Variants in TRAPPC9 observed in about 807,000 individuals in gnomAD.
The protein encoded by TRAPPC9 is IKK2 binding protein.
Under a neutral mutation model 124.0 loss-of-function variants are expected in TRAPPC9, and 83 were observed. The observed-to-expected ratio is 0.67, with a 90% CI of 0.56 to 0.80. TRAPPC9 has a LOEUF of 0.80. Ranked by LOEUF, TRAPPC9 falls within the 30% of genes least tolerant of loss-of-function variation. The pLI, the probability that TRAPPC9 is intolerant of heterozygous loss-of-function variation, is 0.00. For missense variants in TRAPPC9, 1,302 were observed against 1,508.3 expected (o/e 0.86, Z 2.27); for synonymous variants, 638 against 617.5 (o/e 1.03, Z -0.49).
intron 11 of TRAPPC9, among the ~76,000 whole-genome samples, chr8:140,300,003 C>T (rs7845070): frequency 0.65 from 98,886 of 152,108 alleles, 32,645 homozygotes; most frequent in African/African-American, 0.78. Context: ...ACATCTCCAA[C>T]TGTCACTCTT....
intron 21 of TRAPPC9, among the ~76,000 whole-genome samples, chr8:139,736,541 C>T (rs1197622300): frequency 2.6e-5 from 4 of 152,306 alleles, no homozygotes; most frequent in African/African-American, 7.2e-5. Context: ...AGCAAACCTT[C>T]CTATGACGGG....
At chr8:139,781,661 T>C (rs558445380) in intron 21 of TRAPPC9, among the ~76,000 whole-genome samples, 1 of 152,340 alleles carries the variant, frequency 6.6e-6, no homozygotes, top group East Asian at 1.9e-4. Context: ...TCATTGATTA[T>C]AACAAATGTA....
At chr8:139,790,640 G>C (rs975055804) in intron 21 of TRAPPC9, among the ~76,000 whole-genome samples, 14 of 152,322 alleles carry the variant, frequency 9.2e-5, no homozygotes, top group East Asian at 5.8e-4. Flanking sequence ...AGTGGGTAGA[G>C]AGCATGGACG....
At chr8:139,791,138 G>A (rs1005582095) in intron 21 of TRAPPC9, among the ~76,000 whole-genome samples, 9 of 152,144 alleles carry the variant, frequency 5.9e-5, no homozygotes, top group African/African-American at 1.9e-4. Context: ...CCAGGGGAGT[G>A]CACAAGCCAC....
At chr8:139,851,924 C>T (rs1827494417) in intron 21 of TRAPPC9, among the ~76,000 whole-genome samples, 1 of 152,124 alleles carries the variant, frequency 6.6e-6, no homozygotes, top group South Asian at 2.1e-4. Flanking sequence ...CCCACAGATG[C>T]TCCTGGAGGG....
intron 21 of TRAPPC9, among the ~76,000 whole-genome samples, chr8:139,826,210 G>A (rs1206317442): frequency 6.6e-6 from 1 of 152,176 alleles, no homozygotes; most frequent in African/African-American, 2.4e-5. Flanking sequence ...CCAGACTCTG[G>A]GGGCCTGGAA....
intron 17 of TRAPPC9, among the ~76,000 whole-genome samples, chr8:140,031,221 GA>G (rs1055058336): frequency 1.2e-4 from 18 of 152,150 alleles, no homozygotes; most frequent in African/African-American, 4.1e-4. Context: ...GTGAGGTTAT[GA>G]TTCACCATAA....
intron 17 of TRAPPC9, among the ~76,000 whole-genome samples, chr8:140,212,451 C>T (rs181451680): frequency 1.1e-3 from 161 of 152,146 alleles, no homozygotes; most frequent in Non-Finnish European, 1.9e-3. Context: ...CCCAGTCCGT[C>T]AATATTTTAC....
chr8:140,116,855 A>AAGGAGGCGGAGTTCAGTG (rs1563773591), intron 17 of TRAPPC9, among the ~76,000 whole-genome samples: 3 of 140,184 alleles, frequency 2.1e-5, no homozygotes, highest in African/African-American at 5.5e-5. Flanking sequence ...GGAGTTCAGT[A>AAGGAGGCGGAGTTCAGTG]AGTAGGCGGA....
rs73725015 is a variant in TRAPPC9, at chr8:139,803,351, G to A, written c.3056-71149C>T. ...GCAGCCTGCCCTGCCCTCCAGCCCC[G>A]TGGGCAGAAATTTGACTCTGCCACT... On this transcript the variant is annotated intron_variant, in intron 21 of 22. Transcript: ENST00000438773. Among the ~76,000 whole-genome samples the A allele has an allele frequency of 9.1e-3, 1,387 of 152,330 alleles. 23 individuals are homozygous for A. The highest frequency in any genetic ancestry group is 0.032 in the African/African-American group (1,320 of 41,574).
At chr8:140,136,641 CA>C (rs1286015414) in intron 17 of TRAPPC9, among the ~76,000 whole-genome samples, 3 of 152,150 alleles carry the variant, frequency 2.0e-5, no homozygotes, top group African/African-American at 4.8e-5. Flanking sequence ...AGTTCAAGAC[CA>C]GCCTGGCCAA....
intron 2 of TRAPPC9, among the ~76,000 whole-genome samples, chr8:140,440,573 C>A (rs1458208895): frequency 6.6e-6 from 1 of 152,056 alleles, no homozygotes; most frequent in Admixed American, 6.6e-5. Context: ...ACCTCAGCAG[C>A]CTCCGCCTAG....
rs563349544 is a variant in TRAPPC9, at chr8:140,088,073, G to A, written c.2557-63994C>T. On this transcript the variant is annotated intron_variant, in intron 17 of 22. Transcript: ENST00000438773. ...GCTACCTCCTCAAGAGATGCTCCTT[G>A]GTCACTCTGGCTATACAAGCCTCCC... Among the ~76,000 whole-genome samples, 27 of 152,072 alleles carry A rather than the reference G, an allele frequency of 1.8e-4. 1 individual carries two copies. In the South Asian group the frequency reaches 5.6e-3, roughly 32 times the overall value.
intron 21 of TRAPPC9, among the ~76,000 whole-genome samples, chr8:139,849,015 C>T (rs1335375616): frequency 1.3e-5 from 2 of 152,170 alleles, no homozygotes. Flanking sequence ...ACTTCCCGGC[C>T]CCCTGATTCT....
chr8:140,296,216 C>T (rs1315589951), intron 11 of TRAPPC9, among the ~76,000 whole-genome samples: 1 of 152,206 alleles, frequency 6.6e-6, no homozygotes, highest in East Asian at 1.9e-4. Context: ...CTTAAGCCCT[C>T]TTCAACAAAT....
chr8:140,264,567 C>T (rs76517496), intron 15 of TRAPPC9, among the ~76,000 whole-genome samples: 2 of 107,076 alleles, frequency 1.9e-5, no homozygotes, highest in African/African-American at 7.8e-5. Context: ...AGAAAAAAAA[C>T]GGGGCGGGGG....
chr8:139,876,681 T>G (rs923313441), intron 21 of TRAPPC9, among the ~76,000 whole-genome samples: 3 of 152,066 alleles, frequency 2.0e-5, no homozygotes, highest in African/African-American at 7.3e-5. Flanking sequence ...AATGGATGGA[T>G]CAATCAATCA....
chr8:140,170,376 G>A (rs1387447623), intron 17 of TRAPPC9, among the ~76,000 whole-genome samples: 1 of 152,204 alleles, frequency 6.6e-6, no homozygotes, highest in Non-Finnish European at 1.5e-5. Flanking sequence ...ATCTTCCAAA[G>A]GCTGCTCAGC....
At chr8:139,816,604 T>G (rs1824856610) in intron 21 of TRAPPC9, among the ~76,000 whole-genome samples, 1 of 145,638 alleles carries the variant, frequency 6.9e-6, no homozygotes, top group Non-Finnish European at 1.5e-5. Context: ...ATCCCACGGC[T>G]CCTGAGTGTT....
Sources: allele counts gnomAD v4.1 joint callset (sites outside exome capture counted in the v4.1 genomes callset), GRCh38; gene constraint gnomAD v4.1.1; transcripts MANE v1.5; gene names NCBI Gene and HGNC (gene_info 2026-07-23, HGNC 2026-07-21).